Variants in JPH3 observed in about 807,000 individuals in gnomAD.
JPH3 encodes the protein junctophilin-3.
A neutral mutation model predicts 59.6 loss-of-function variants in JPH3; 11 were observed. That is an observed-to-expected ratio of 0.18 (90% CI 0.12 to 0.31). The LOEUF is 0.31. Among genes scored for constraint, JPH3 ranks in the 10% least tolerant of loss-of-function variants. The pLI is 1.00. For synonymous variants in JPH3, 673 were observed against 483.6 expected, an observed-to-expected ratio of 1.39 and a Z score of -5.14; for missense variants, 1,202 against 1,105.7, an observed-to-expected ratio of 1.09 and a Z score of -1.24.
chr16:87,670,756 G>T (rs1045310596), intron 2 of JPH3, among the ~76,000 whole-genome samples: 3 of 152,234 alleles, frequency 2.0e-5, no homozygotes, highest in African/African-American at 7.2e-5. Flanking sequence ...CTACGCAGGG[G>T]CCTGCCCTGT....
chr16:87,672,680 G>C (rs1407608545), intron 2 of JPH3, among the ~76,000 whole-genome samples: 2 of 152,276 alleles, frequency 1.3e-5, no homozygotes, highest in East Asian at 1.9e-4. Flanking sequence ...TAGACCACCA[G>C]AGCAGGGTGT....
chr16:87,643,672 A>C (rs1488412860), intron 1 of JPH3, among the ~76,000 whole-genome samples: 1 of 151,930 alleles, frequency 6.6e-6, no homozygotes, highest in East Asian at 1.9e-4. Context: ...TGTGGTCCTC[A>C]CTCTGCACCA....
chr16:87,656,935 A>C (rs534412137), intron 2 of JPH3, among the ~76,000 whole-genome samples: 21 of 152,270 alleles, frequency 1.4e-4, no homozygotes, highest in African/African-American at 5.1e-4. Context: ...TCCTTGGTGC[A>C]TGGAGAGGAT....
intron 2 of JPH3, among the ~76,000 whole-genome samples, chr16:87,682,775 A>G (rs1323992208): frequency 2.6e-5 from 4 of 152,136 alleles, no homozygotes; most frequent in African/African-American, 9.7e-5. Flanking sequence ...TCGTGGGGGA[A>G]TTGGTCATTG....
In JPH3 at chr16:87,685,390, G is replaced by A. The variant is rs372710596; in HGVS notation, c.1285+1124G>A. Among the ~76,000 whole-genome samples, 614 of 152,342 alleles carry A rather than the reference G, an allele frequency of 4.0e-3. 1 individual carries two copies. The highest frequency in any genetic ancestry group is 0.014 in the African/African-American group (585 of 41,588). ...GCACCCCAAAGTGTCCAAGTGGGAG[G>A]GCAATGGGCCACGTGCCCCTGTGGC... On this transcript the variant is annotated intron_variant, in intron 3 of 4. Transcript: ENST00000284262.
intron 2 of JPH3, among the ~76,000 whole-genome samples, chr16:87,683,234 G>A (rs531251066): frequency 3.4e-4 from 52 of 152,364 alleles, no homozygotes; most frequent in Admixed American, 1.9e-3. Context: ...CGGCACCGCC[G>A]GGGTGGGTTG....
chr16:87,697,012 G>A lies in JPH3; in HGVS notation c.*352G>A. 2 of 324,244 alleles carry A rather than the reference G, an allele frequency of 6.2e-6. No homozygotes were observed. The highest frequency in any genetic ancestry group is 4.1e-5 in the Admixed American group (1 of 24,288). 20.1% of individuals were successfully genotyped at this position (324,244 alleles called of 1,614,324 possible). ...GGTCACACGTCCCGTCTTGGGTGTG[G>A]ATGGAGGGCAGCCCGGGGCAGAGCC... is the stretch of plus-strand genomic sequence containing the variant. On this transcript the variant is annotated 3_prime_UTR_variant, in exon 5 of 5. Coordinates refer to ENST00000284262, the MANE Select transcript of JPH3 (RefSeq NM_020655.4).
chr16:87,683,547 G>C (rs2033345896), intron 2 of JPH3, among the ~76,000 whole-genome samples: 1 of 151,778 alleles, frequency 6.6e-6, no homozygotes, highest in Non-Finnish European at 1.5e-5. Flanking sequence ...CTCATGATCT[G>C]CCCGCCTCAG....
intron 2 of JPH3, among the ~76,000 whole-genome samples, chr16:87,677,405 TATCTC>T (rs1004904377): frequency 1.3e-5 from 2 of 152,038 alleles, no homozygotes; most frequent in South Asian, 2.1e-4. Flanking sequence ...AAATAAATGA[TATCTC>T]AATAAAGCTG....
chr16:87,628,154 G>A (rs1266031844), intron 1 of JPH3, among the ~76,000 whole-genome samples: 3 of 152,266 alleles, frequency 2.0e-5, no homozygotes, highest in Non-Finnish European at 4.4e-5. Context: ...CACAAGGCAT[G>A]CAAGAGGCTA....
At chr16:87,691,296 A>C (rs1423279700) in intron 4 of JPH3, among the ~76,000 whole-genome samples, 3 of 152,116 alleles carry the variant, frequency 2.0e-5, no homozygotes, top group Non-Finnish European at 4.4e-5. Context: ...TGCTGCAGGA[A>C]TGAAGGGCTT....
chr16:87,606,249 T>G (rs776055884), intron 1 of JPH3, among the ~76,000 whole-genome samples: 1 of 152,238 alleles, frequency 6.6e-6, no homozygotes, highest in African/African-American at 2.4e-5. Flanking sequence ...TGGGGGAATA[T>G]TGGGCAGCCA....
At chr16:87,658,435 CCTAT>C (rs894125782) in intron 2 of JPH3, among the ~76,000 whole-genome samples, 3 of 148,900 alleles carry the variant, frequency 2.0e-5, no homozygotes, top group Non-Finnish European at 4.4e-5. Context: ...TCTCTATCTC[CCTAT>C]CTGCTTTGCT....
At chr16:87,622,108 G>A (rs961131737) in intron 1 of JPH3, among the ~76,000 whole-genome samples, 11 of 148,258 alleles carry the variant, frequency 7.4e-5, no homozygotes, top group African/African-American at 2.3e-4. Context: ...TCAGGGGGGG[G>A]CCCCTTTGGG....
At position 87,696,467 on chromosome 16, in the gene JPH3, C is replaced by A. The variant is rs566324099; in HGVS notation, c.2167-113C>A. On this transcript the variant is annotated intron_variant, in intron 4 of 4. Transcript: ENST00000284262. ...AGCGTTTCTAACATCCTCCCGTACG[C>A]TTCCACCCCCGAGGGTCTGCTAGCT... 1.3e-5 allele frequency: 11 copies of A among 852,014 alleles called. No individual in the cohort carries two copies. The African/African-American group carries it at 1.8e-4, about 14-fold the overall frequency. The allele number at this position is 852,014 out of a possible 1,614,324, so 52.8% of individuals were successfully genotyped here. A position where few individuals can be genotyped will look rare whatever the true frequency, so the allele number is the denominator to read the frequency against.
intron 1 of JPH3, among the ~76,000 whole-genome samples, chr16:87,638,961 G>A (rs1276922710): frequency 6.6e-6 from 1 of 152,136 alleles, no homozygotes; most frequent in Non-Finnish European, 1.5e-5. Flanking sequence ...GGTAGCCTTG[G>A]CACCTGGGGA....
At chr16:87,616,426 A>G (rs907692149) in intron 1 of JPH3, among the ~76,000 whole-genome samples, 1 of 127,760 alleles carries the variant, frequency 7.8e-6, no homozygotes. Flanking sequence ...TTTTTTTTGT[A>G]TTTTTAGTAA....
intron 2 of JPH3, among the ~76,000 whole-genome samples, chr16:87,677,274 G>T: frequency 6.7e-6 from 1 of 149,576 alleles, no homozygotes; most frequent in Admixed American, 6.6e-5. Context: ...TCCCAGCCAC[G>T]TGGGAGGCTG....
intron 2 of JPH3, among the ~76,000 whole-genome samples, chr16:87,645,685 G>A (rs1252964661): frequency 2.0e-5 from 3 of 152,194 alleles, no homozygotes; most frequent in East Asian, 1.9e-4. Flanking sequence ...GGGTGGGATC[G>A]ACGTGGCTTT....
Sources: gnomAD v4.1 joint callset for allele counts (sites outside exome capture counted in the v4.1 genomes callset) on GRCh38, gnomAD v4.1.1 for gene constraint, MANE v1.5 for transcripts, NCBI Gene and HGNC (gene_info 2026-07-23, HGNC 2026-07-21) for gene names.